The following ATRNL1 variants were observed in gnomAD, a reference collection of about 807,000 sequenced individuals.
The protein encoded by ATRNL1 is attractin-like protein 1.
In ATRNL1, 95 loss-of-function variants were observed where a neutral mutation model predicts 182.7. That is an observed-to-expected ratio of 0.52 (90% confidence interval 0.44 to 0.62). The LOEUF (loss-of-function observed/expected upper bound fraction) is 0.62. ATRNL1 is among the 20% of genes least tolerant of loss of function. The pLI is 0.00. For synonymous variants in ATRNL1, 576 were observed against 568.3 expected, an observed-to-expected ratio of 1.01 and a Z score of -0.19; for missense variants, 1,471 against 1,679.5, an observed-to-expected ratio of 0.88 and a Z score of 2.17.
intron 26 of ATRNL1, among the ~76,000 whole-genome samples, chr10:115,713,209 A>T (rs186611664): frequency 1.3e-5 from 2 of 152,146 alleles, no homozygotes; most frequent in South Asian, 4.1e-4. Context: ...AAACTAAACG[A>T]TTGTAAGTTT....
intron 27 of ATRNL1, among the ~76,000 whole-genome samples, chr10:115,755,201 A>T (rs1452465853): frequency 1.3e-5 from 2 of 152,080 alleles, no homozygotes; most frequent in African/African-American, 4.8e-5. Flanking sequence ...AACTTCCAAT[A>T]CTATGTTGAA....
chr10:115,420,418 A>G (rs889782645), intron 20 of ATRNL1, among the ~76,000 whole-genome samples: 1 of 152,144 alleles, frequency 6.6e-6, no homozygotes, highest in African/African-American at 2.4e-5. Flanking sequence ...AAAACCAATA[A>G]CAGGAGGAAC....
intron 8 of ATRNL1, among the ~76,000 whole-genome samples, chr10:115,193,492 A>G (rs1201939656): frequency 6.6e-6 from 1 of 151,872 alleles, no homozygotes. Flanking sequence ...TCTGTTTTAC[A>G]GTGTATTGGC....
chr10:115,934,557 G>T (rs1240589346), intron 28 of ATRNL1, among the ~76,000 whole-genome samples: 3 of 151,946 alleles, frequency 2.0e-5, no homozygotes, highest in Non-Finnish European at 4.4e-5. Flanking sequence ...TATGCACCCA[G>T]GTACTCAAGA....
intron 26 of ATRNL1, among the ~76,000 whole-genome samples, chr10:115,699,314 G>A (rs1555050795): frequency 1.3e-5 from 2 of 152,084 alleles, no homozygotes; most frequent in African/African-American, 4.8e-5. Flanking sequence ...GAAAAGCAAA[G>A]TATCAAGAAT....
intron 27 of ATRNL1, among the ~76,000 whole-genome samples, chr10:115,748,067 G>C (rs1401581020): frequency 3.9e-5 from 6 of 151,978 alleles, no homozygotes; most frequent in African/African-American, 1.4e-4. Context: ...ACCATAGCAA[G>C]AGCGACATAT....
chr10:115,159,442 A>G (rs1846674381), intron 5 of ATRNL1, among the ~76,000 whole-genome samples: 2 of 151,466 alleles, frequency 1.3e-5, no homozygotes, highest in Non-Finnish European at 3.0e-5. Flanking sequence ...TAATTTAATA[A>G]TTTTTATTTT....
At chr10:115,191,426 C>G (rs1348447380) in intron 8 of ATRNL1, among the ~76,000 whole-genome samples, 2 of 152,014 alleles carry the variant, frequency 1.3e-5, no homozygotes, top group African/African-American at 4.8e-5. Context: ...GAGATTGTAT[C>G]TCATTATAAT....
At chr10:115,944,076 G>A (rs557923279) in intron 28 of ATRNL1, among the ~76,000 whole-genome samples, 19 of 151,906 alleles carry the variant, frequency 1.3e-4, no homozygotes, top group African/African-American at 4.3e-4. Flanking sequence ...TTTTAGGGCA[G>A]TGAAACTATT....
chr10:115,513,045 T>A (rs1335917866), intron 24 of ATRNL1, among the ~76,000 whole-genome samples: 3 of 151,948 alleles, frequency 2.0e-5, no homozygotes, highest in Admixed American at 2.0e-4. Flanking sequence ...TTTTGCGATT[T>A]GTTTTTTTGT....
intron 19 of ATRNL1, among the ~76,000 whole-genome samples, chr10:115,356,958 C>T (rs1856531432): frequency 6.6e-6 from 1 of 151,784 alleles, no homozygotes; most frequent in African/African-American, 2.4e-5. Context: ...AGGTAGAATA[C>T]TATTTATTTG....
intron 20 of ATRNL1, among the ~76,000 whole-genome samples, chr10:115,411,589 A>G (rs1554959916): frequency 6.6e-6 from 1 of 151,376 alleles, no homozygotes; most frequent in Non-Finnish European, 1.5e-5. Context: ...TTAAGCCATT[A>G]CAGAAGACTT....
intron 28 of ATRNL1, among the ~76,000 whole-genome samples, chr10:115,861,462 T>C (rs1216595076): frequency 6.6e-6 from 1 of 152,174 alleles, no homozygotes; most frequent in Non-Finnish European, 1.5e-5. Context: ...AATTCACACT[T>C]TCTACTGCCC....
intron 27 of ATRNL1, among the ~76,000 whole-genome samples, chr10:115,738,055 T>C (rs1486760898): frequency 6.6e-6 from 1 of 151,010 alleles, no homozygotes. Flanking sequence ...TGATTTTCAG[T>C]TGGTAGTAGA....
chr10:115,301,980 A>G lies in ATRNL1; in HGVS notation c.2755A>G (p.Asn919Asp). 1.2e-6 allele frequency: 2 copies of G among 1,614,080 alleles called. No homozygotes were observed. Among genetic ancestry groups the G allele is most frequent in the South Asian group, 2.2e-5 (2 of 91,076 alleles). The stretch of plus-strand genomic sequence containing the variant: ...CAGTACGAAACGATGTGTTGACTCT[A>G]ATGCCTATATCATCTCTTTTCCATA... ...CSSTKRCVDSNAYIISFPYGQ... is the reference protein window; with the variant it reads ...CSSTKRCVDSDAYIISFPYGQ... Residue 919 changes from asparagine to aspartate, a missense_variant, in exon 17 of 29, where the codon AAT becomes GAT. This residue lies in a region of ATRNL1 where 1,031 missense variants were observed against 1,156.0 expected (regional missense o/e 0.89). Transcript: ENST00000355044.
At chr10:115,329,094 C>T (rs1855068531) in intron 18 of ATRNL1, among the ~76,000 whole-genome samples, 2 of 151,900 alleles carry the variant, frequency 1.3e-5, no homozygotes, top group African/African-American at 4.8e-5. Flanking sequence ...ATAGAGTTCC[C>T]CTTTCTCCAC....
chr10:115,340,623 T>A lies in ATRNL1; in HGVS notation c.3175+6204T>A, dbSNP rs141867042. Among the ~76,000 whole-genome samples, 1,108 of 151,942 alleles carry A rather than the reference T, an allele frequency of 7.3e-3. 4 individuals carry two copies. The highest frequency in any genetic ancestry group is 0.011 in the Non-Finnish European group (773 of 67,972). On this transcript the variant is annotated intron_variant, in intron 19 of 28. Transcript: ENST00000355044. ...ATTGGTATTAGTTCTGCTTTAAATG[T>A]TTGGTAGAATTCAGCTGTGAAGCCA...
chr10:115,431,606 A>G (rs1387664155), intron 21 of ATRNL1, among the ~76,000 whole-genome samples: 8 of 151,868 alleles, frequency 5.3e-5, no homozygotes, highest in African/African-American at 4.8e-5. Context: ...TTATGTATGT[A>G]TTTATTTATT....
chr10:115,442,383 G>A (rs183712887), intron 21 of ATRNL1, among the ~76,000 whole-genome samples: 1 of 150,434 alleles, frequency 6.6e-6, no homozygotes, highest in East Asian at 2.0e-4. Context: ...TTGTTTACAT[G>A]ATTTGCTTCT....
Sources: gnomAD v4.1 joint callset for allele counts (sites outside exome capture counted in the v4.1 genomes callset) on GRCh38, gnomAD v4.1.1 for gene constraint, gnomAD v4.1.1 regional missense constraint, MANE v1.5 for transcripts, NCBI Gene and HGNC (gene_info 2026-07-23, HGNC 2026-07-21) for gene names.